The following SLC14A2 variants were observed in gnomAD, a reference collection of about 807,000 sequenced individuals.
SLC14A2 encodes the protein urea transporter 2.
In SLC14A2, 91 loss-of-function variants were observed where a neutral mutation model predicts 104.6. The ratio of observed to expected loss-of-function variants is 0.87; its 90% confidence interval spans 0.73 to 1.04. The LOEUF is 1.04. Among genes scored for constraint, SLC14A2 ranks in the 50% least tolerant of loss-of-function variants. SLC14A2 has a pLI of 0.00. For synonymous variants in SLC14A2, 476 were observed against 466.4 expected (o/e 1.02, Z -0.27); for missense variants, 1,189 against 1,156.0 (o/e 1.03, Z -0.41).
intron 1 of SLC14A2, among the ~76,000 whole-genome samples, chr18:45,391,120 C>A (rs1382926538): frequency 6.6e-6 from 1 of 152,100 alleles, no homozygotes; most frequent in African/African-American, 2.4e-5. Context: ...TGATGTTCCC[C>A]TTCCTGTGTC....
intron 2 of SLC14A2, among the ~76,000 whole-genome samples, chr18:45,514,226 A>C (rs1478672201): frequency 6.6e-6 from 1 of 152,164 alleles, no homozygotes; most frequent in Non-Finnish European, 1.5e-5. Context: ...GCTTCTGGGG[A>C]GGCCTCAGGA....
chr18:45,271,877 C>A (rs149022411), intron 1 of SLC14A2, among the ~76,000 whole-genome samples: 45 of 152,224 alleles, frequency 3.0e-4, no homozygotes, highest in Middle Eastern at 3.4e-3. Context: ...CTGGAGGAAC[C>A]ACATTGCCTG....
At chr18:45,199,512 C>T in the SLC14A2 span, among the ~76,000 whole-genome samples, 1 of 152,070 alleles carries the variant, frequency 6.6e-6, no homozygotes, top group Non-Finnish European at 1.5e-5. Context: ...GTATTTAACT[C>T]ATTGTTGAGT....
intron 1 of SLC14A2, among the ~76,000 whole-genome samples, chr18:45,616,742 A>G (rs1481339763): frequency 1.3e-5 from 2 of 152,216 alleles, no homozygotes; most frequent in Non-Finnish European, 2.9e-5. Context: ...ATAAATTGCC[A>G]TTTATTCATG....
chr18:45,643,275 C>T (rs1599108542), intron 9 of SLC14A2, 94 bp downstream of exon 9: 12 of 1,106,078 alleles, frequency 1.1e-5, no homozygotes, highest in Admixed American at 5.2e-5. Context: ...GAACATTGAG[C>T]GGGTAATGGT....
chr18:45,650,153 A>AT (rs1457248255), intron 10 of SLC14A2, among the ~76,000 whole-genome samples: 1 of 78,078 alleles, frequency 1.3e-5, no homozygotes, highest in Admixed American at 1.5e-4. Flanking sequence ...GCTTTGAGAT[A>AT]TTCCTTCCAT....
the SLC14A2 span, among the ~76,000 whole-genome samples, chr18:45,188,731 C>A: frequency 6.6e-6 from 1 of 152,054 alleles, no homozygotes; most frequent in Admixed American, 6.6e-5. Flanking sequence ...TCTTTCCTTG[C>A]CCAATCAATT....
intron 2 of SLC14A2, among the ~76,000 whole-genome samples, chr18:45,564,962 G>A (rs951794957): frequency 3.9e-5 from 6 of 152,102 alleles, no homozygotes; most frequent in Non-Finnish European, 8.8e-5. Context: ...CAAGTGATGA[G>A]GGTAGGATGG....
At chr18:45,179,516 A>G in the SLC14A2 span, among the ~76,000 whole-genome samples, 11 of 152,338 alleles carry the variant, frequency 7.2e-5, no homozygotes, top group Admixed American at 6.5e-4. Flanking sequence ...TTATTCTGTG[A>G]ATAATGCTTT....
At chr18:45,250,547 C>A (rs527828759) in intron 1 of SLC14A2, among the ~76,000 whole-genome samples, 7 of 151,370 alleles carry the variant, frequency 4.6e-5, no homozygotes, top group African/African-American at 1.7e-4. Flanking sequence ...GCTGTACTCA[C>A]TTCCTGTTCT....
chr18:45,401,012 C>T (rs766036418), intron 1 of SLC14A2, among the ~76,000 whole-genome samples: 28 of 152,156 alleles, frequency 1.8e-4, no homozygotes, highest in Non-Finnish European at 2.9e-4. Context: ...CCAAGGATCC[C>T]TTGTTCTTTT....
At chr18:45,316,908 TAA>T (rs1410794070) in intron 1 of SLC14A2, among the ~76,000 whole-genome samples, 1 of 152,242 alleles carries the variant, frequency 6.6e-6, no homozygotes, top group Non-Finnish European at 1.5e-5. Context: ...AGCACCCAGC[TAA>T]AGAGTGTTCA....
At chr18:45,513,843 C>G (rs538215654) in intron 2 of SLC14A2, among the ~76,000 whole-genome samples, 6 of 152,286 alleles carry the variant, frequency 3.9e-5, no homozygotes, top group African/African-American at 1.2e-4. Context: ...CTCTCTTGAT[C>G]AGCCAAAAAT....
Position 45,235,796 on chromosome 18 carries a change from C to CGTGT in SLC14A2, c.-125+22620_-125+22623dup, listed in dbSNP as rs1171773725. ...TGAGTAGCATTCCAATGTGTATGCG[C>CGTGT]GTGTGTGTGTGTGTGTGTATATATA... On this transcript the variant is annotated intron_variant, in intron 1 of 20. Coordinates refer to the SLC14A2 transcript ENST00000586448. Among the ~76,000 whole-genome samples the CGTGT allele has an allele frequency of 3.5e-5, 4 of 114,288 alleles. 1 individual carries two copies. Among genetic ancestry groups the CGTGT allele is most frequent in the Non-Finnish European group, 7.0e-5 (4 of 56,970 alleles). The allele number at this position is 114,288 out of a possible 152,430, so 75.0% of individuals were successfully genotyped here. A position where few individuals can be genotyped will look rare whatever the true frequency, so the allele number is the denominator to read the frequency against.
chr18:45,272,349 A>G (rs954624194), intron 1 of SLC14A2, among the ~76,000 whole-genome samples: 10 of 152,294 alleles, frequency 6.6e-5, no homozygotes, highest in Middle Eastern at 6.8e-3. Context: ...CTAAGTGTCC[A>G]TCAACAGATG....
rs560352182 is a variant in SLC14A2 at position 45,440,847 on chromosome 18, A to G, written c.-124-42386A>G. Among the ~76,000 whole-genome samples, 91 of 152,314 alleles carry G rather than the reference A, an allele frequency of 6.0e-4. 1 individual carries two copies. In the South Asian group the frequency reaches 0.018, roughly 30 times the overall value. ...CTTAAGTCATAGGTGAGAACCTACCAGGAATTGAGACACTTTGAGTCCTTA... is the reference window on the plus strand; with the variant it reads ...CTTAAGTCATAGGTGAGAACCTACCGGGAATTGAGACACTTTGAGTCCTTA... On this transcript the variant is annotated intron_variant, in intron 1 of 20. Transcript: ENST00000586448.
intron 2 of SLC14A2, among the ~76,000 whole-genome samples, chr18:45,547,967 G>A (rs1568271142): frequency 6.6e-6 from 1 of 152,178 alleles, no homozygotes; most frequent in African/African-American, 2.4e-5. Context: ...AGGAGAATGG[G>A]TTCAAATAGG....
chr18:45,190,409 T>C, the SLC14A2 span, among the ~76,000 whole-genome samples: 1 of 152,210 alleles, frequency 6.6e-6, no homozygotes, highest in African/African-American at 2.4e-5. Context: ...CTGGAGTAGA[T>C]GTTAAAAACA....
chr18:45,372,566 G>A (rs1266094263), intron 1 of SLC14A2, among the ~76,000 whole-genome samples: 1 of 152,172 alleles, frequency 6.6e-6, no homozygotes, highest in Non-Finnish European at 1.5e-5. Context: ...AGAGTCGCTG[G>A]TAGAGGCGAA....
Sources: gnomAD v4.1 joint callset for allele counts (sites outside exome capture counted in the v4.1 genomes callset) on GRCh38, gnomAD v4.1.1 for gene constraint, MANE v1.5 for transcripts, NCBI Gene and HGNC (gene_info 2026-07-23, HGNC 2026-07-21) for gene names.